PLA1A: variants seen among roughly 807,000 people sequenced by gnomAD.
PLA1A encodes phospholipase A1 member A.
A neutral mutation model predicts 49.4 loss-of-function variants in PLA1A; 47 were observed. The observed-to-expected ratio is 0.95, with a 90% CI of 0.75 to 1.21. PLA1A has a LOEUF of 1.21. PLA1A is among the 50% of genes most tolerant of loss of function. The pLI is 0.00. For synonymous variants in PLA1A, 224 were observed against 207.9 expected (o/e 1.08, Z -0.67); for missense variants, 561 against 563.9 (o/e 0.99, Z 0.05).
rs771526887 is a variant in PLA1A at position 119,625,252 on chromosome 3, G to C, written c.1121+20G>C. On this transcript the variant is annotated intron_variant, in intron 9 of 10. Coordinates refer to ENST00000273371, the MANE Select transcript of PLA1A (RefSeq NM_015900.4). ...CACCATGTACGTAAGTGTCCCACCT[G>C]GTTGACTCCTCCCCTTAGGAGTTGG... The C allele has an allele frequency of 1.4e-6, 2 of 1,452,642 alleles. No homozygotes were observed. Among genetic ancestry groups the C allele is most frequent in the East Asian group, 2.3e-5 (1 of 44,064 alleles). 90.0% of individuals were successfully genotyped at this position (1,452,642 alleles called of 1,614,324 possible).
chr3:119,623,988 G>C (rs868277315), intron 8 of PLA1A, among the ~76,000 whole-genome samples: 29 of 152,124 alleles, frequency 1.9e-4, no homozygotes, highest in African/African-American at 6.5e-4. Flanking sequence ...GCCTCCCAAA[G>C]TGCTGCGATT....
At chr3:119,598,882 C>T (rs190023201) in intron 1 of PLA1A, among the ~76,000 whole-genome samples, 2 of 152,322 alleles carry the variant, frequency 1.3e-5, no homozygotes, top group Admixed American at 6.5e-5. Context: ...CACTGGGTGA[C>T]TGCATGCTCT....
chr3:119,610,437 C>T (rs1396275844), intron 4 of PLA1A, among the ~76,000 whole-genome samples: 1 of 152,166 alleles, frequency 6.6e-6, no homozygotes, highest in Non-Finnish European at 1.5e-5. Context: ...TTTACATTCC[C>T]ACCAACAGTG....
chr3:119,623,924 C>T (rs1373557207), intron 8 of PLA1A, among the ~76,000 whole-genome samples: 21 of 151,832 alleles, frequency 1.4e-4, no homozygotes, highest in African/African-American at 4.6e-4. Flanking sequence ...AGGGTTTCAC[C>T]ATATTGGCTA....
At position 119,629,463 on chromosome 3, in the gene PLA1A, G is replaced by T. The variant is rs1286938615; in HGVS notation, c.1366G>T (p.Val456Leu). The T allele has an allele frequency of 6.3e-7, 1 of 1,577,842 alleles. No individual in the cohort carries two copies. The highest frequency in any genetic ancestry group is 2.2e-5 in the East Asian group (1 of 44,612). ...TTCCTGTGACCTGAAGATAGCCTGT[G>T]TGTAGTTTAACCTGGGCAGGACACA... Reference protein sequence around the residue: ...TVSCDLKIACV With the variant: ...TVSCDLKIACL Residue 456 changes from valine to leucine, a missense_variant, in exon 11 of 11, where the codon GTG becomes TTG. By Grantham distance (32) the Val-to-Leu change is conservative. Coordinates refer to ENST00000273371, the MANE Select transcript of PLA1A (RefSeq NM_015900.4).
chr3:119,620,816 C>T lies in PLA1A; in HGVS notation c.1012+1164C>T, dbSNP rs184923599. ...AACTGTGGGCTTTTCATGTCCTTAT[C>T]AGCTCTTTCAACAACCCAACTGGGA... On this transcript the variant is annotated intron_variant, in intron 8 of 10. Coordinates refer to ENST00000273371, the MANE Select transcript of PLA1A (RefSeq NM_015900.4). Among the ~76,000 whole-genome samples the T allele has an allele frequency of 3.9e-5, 6 of 152,326 alleles. No individual in the cohort carries two copies. In the East Asian group the frequency reaches 1.2e-3, roughly 29 times the overall value.
At position 119,625,244 on chromosome 3, in the gene PLA1A, T is replaced by A. The variant is rs562278691; in HGVS notation, c.1121+12T>A. 3.2e-5 allele frequency: 49 copies of A among 1,534,762 alleles called. No homozygotes were observed. The East Asian group carries it at 1.1e-3, about 33-fold the overall frequency. ...TCTAAGATCACCATGTACGTAAGTG[T>A]CCCACCTGGTTGACTCCTCCCCTTA... On this transcript the variant is annotated intron_variant, in intron 9 of 10. Coordinates refer to ENST00000273371, the MANE Select transcript of PLA1A (RefSeq NM_015900.4).
rs950255296 is a variant in PLA1A at position 119,625,827 on chromosome 3, G to A, written c.1121+595G>A. Among the ~76,000 whole-genome samples, 16 of 152,174 alleles carry A rather than the reference G, an allele frequency of 1.1e-4. 1 individual carries two copies. Among genetic ancestry groups the A allele is most frequent in the Non-Finnish European group, 2.1e-4 (14 of 68,038 alleles). On this transcript the variant is annotated intron_variant, in intron 9 of 10. Transcript: ENST00000273371. ...TGGGCTTGGGGGCTGGTGGGACTACGCTTGAAGTGAGAGGGCAAGGAACCC... is the reference window on the plus strand; with the variant it reads ...TGGGCTTGGGGGCTGGTGGGACTACACTTGAAGTGAGAGGGCAAGGAACCC...
In PLA1A at chr3:119,608,849, G is replaced by A. The variant is rs746760433; in HGVS notation, c.355G>A (p.Val119Met). ...TGCAACGAATGCTAATGTGATTGCCGTGGACTGGATTTATGGGTCTACAGG... is the reference window on the plus strand; with the variant it reads ...TGCAACGAATGCTAATGTGATTGCCATGGACTGGATTTATGGGTCTACAGG... The part of the protein sequence containing the change: ...LRATNANVIA[V>M]DWIYGSTGVY... The change falls in exon 3 of 11, where the codon GTG becomes ATG. Residue 119 changes from valine to methionine, a missense_variant. Physicochemically the swap from Val to Met is conservative, Grantham distance 21 (BLOSUM62 1). Coordinates refer to ENST00000273371, the MANE Select transcript of PLA1A (RefSeq NM_015900.4). 36 of 1,613,122 alleles carry A rather than the reference G, an allele frequency of 2.2e-5. No homozygotes were observed. Among genetic ancestry groups the A allele is most frequent in the African/African-American group, 4.0e-5 (3 of 74,896 alleles).
At chr3:119,608,230 G>C (rs201471115) in intron 2 of PLA1A, among the ~76,000 whole-genome samples, 1 of 74,776 alleles carries the variant, frequency 1.3e-5, no homozygotes, top group African/African-American at 5.2e-5. Context: ...AAGAAAGAGA[G>C]AGAAAGAAAG....
chr3:119,602,648 C>A (rs1217959832), intron 1 of PLA1A, among the ~76,000 whole-genome samples: 2 of 152,164 alleles, frequency 1.3e-5, no homozygotes, highest in African/African-American at 2.4e-5. Context: ...GTAGAGTGAA[C>A]AAAATGGATT....
At chr3:119,609,684 C>T (rs775287451) in intron 4 of PLA1A, 108 bp downstream of exon 4, 23 of 599,464 alleles carry the variant, frequency 3.8e-5, no homozygotes, top group African/African-American at 1.5e-4. Context: ...TTTGTTCTCA[C>T]GATCAAGTCA....
intron 7 of PLA1A, among the ~76,000 whole-genome samples, chr3:119,619,025 A>G (rs1212662696): frequency 1.3e-5 from 2 of 152,184 alleles, no homozygotes; most frequent in South Asian, 4.1e-4. Context: ...CAGCCACCTC[A>G]CACTGTCTGC....
At position 119,618,034 on chromosome 3, in the gene PLA1A, T is replaced by C. The variant is rs1055344286; in HGVS notation, c.770T>C (p.Ile257Thr). Reference sequence around the variant, plus strand: ...CTCTGTTCAGGTTATAGTTATCTGATCTGTGATCACATGAGGGCTGTGCAC... The same window carrying C: ...CTCTGTTCAGGTTATAGTTATCTGACCTGTGATCACATGAGGGCTGTGCAC... ...TFFYAGYSYL[I>T]CDHMRAVHLY... Residue 257 changes from isoleucine to threonine, a missense_variant, in exon 7 of 11, where the codon ATC (isoleucine) becomes ACC (threonine). Physicochemically the swap from Ile to Thr is moderately conservative, Grantham distance 89. Transcript: ENST00000273371. 4 of 1,612,676 alleles carry C rather than the reference T, an allele frequency of 2.5e-6. No individual in the cohort carries two copies. Among genetic ancestry groups the C allele is most frequent in the Non-Finnish European group, 3.4e-6 (4 of 1,179,382 alleles).
At chr3:119,628,344 C>A (rs2052573366) in intron 9 of PLA1A, among the ~76,000 whole-genome samples, 2 of 152,210 alleles carry the variant, frequency 1.3e-5, no homozygotes, top group African/African-American at 4.8e-5. Flanking sequence ...AAAGGAATGT[C>A]CTAAAAGAGG....
chr3:119,622,687 C>A (rs2082960365), intron 8 of PLA1A, among the ~76,000 whole-genome samples: 2 of 152,240 alleles, frequency 1.3e-5, no homozygotes, highest in South Asian at 4.1e-4. Flanking sequence ...AGGATTGCAT[C>A]TCTAGCTATG....
intron 4 of PLA1A, among the ~76,000 whole-genome samples, chr3:119,610,342 G>A (rs2082748750): frequency 6.6e-6 from 1 of 152,128 alleles, no homozygotes; most frequent in Non-Finnish European, 1.5e-5. Context: ...TATATATCTA[G>A]TAATGGGATT....
intron 4 of PLA1A, among the ~76,000 whole-genome samples, chr3:119,611,375 G>A (rs2082762789): frequency 6.6e-6 from 1 of 152,162 alleles, no homozygotes; most frequent in Admixed American, 6.5e-5. Context: ...TAATTTGGTA[G>A]GGATAGCACT....
At chr3:119,602,770 T>C (rs2082634371) in intron 1 of PLA1A, among the ~76,000 whole-genome samples, 1 of 152,120 alleles carries the variant, frequency 6.6e-6, no homozygotes, top group Non-Finnish European at 1.5e-5. Flanking sequence ...TGATGATTGC[T>C]AACAAATAAA....
Sources: gnomAD v4.1 joint callset for allele counts (sites outside exome capture counted in the v4.1 genomes callset) on GRCh38, gnomAD v4.1.1 for gene constraint, MANE v1.5 for transcripts, NCBI Gene and HGNC (gene_info 2026-07-23, HGNC 2026-07-21) for gene names.